The following SND1 variants were observed in gnomAD, a reference collection of about 807,000 sequenced individuals.
The protein encoded by SND1 is staphylococcal nuclease and tudor domain containing 1, also known as staphylococcal nuclease domain-containing protein 1.
SND1 carries 38 observed loss-of-function variants against 121.7 expected under a neutral mutation model. That is an observed-to-expected ratio of 0.31 (90% CI 0.24 to 0.41). The LOEUF (loss-of-function observed/expected upper bound fraction) is 0.41, where lower values mean the gene tolerates loss of function less well. Among genes scored for constraint, SND1 ranks in the 10% least tolerant of loss-of-function variants. The pLI is 1.00. For synonymous variants in SND1, 401 were observed against 447.4 expected, an observed-to-expected ratio of 0.90 and a Z score of 1.31; for missense variants, 868 against 1,184.6, an observed-to-expected ratio of 0.73 and a Z score of 3.92.
intron 15 of SND1, among the ~76,000 whole-genome samples, chr7:127,962,357 C>T (rs150072286): frequency 1.3e-5 from 2 of 152,098 alleles, no homozygotes; most frequent in Admixed American, 6.5e-5. Context: ...TTTGTATATA[C>T]GTATATATTT....
intron 14 of SND1, among the ~76,000 whole-genome samples, chr7:127,920,715 A>G (rs1046567511): frequency 6.6e-6 from 1 of 152,152 alleles, no homozygotes; most frequent in Non-Finnish European, 1.5e-5. Flanking sequence ...CACCCAAGTT[A>G]GAGAAAGAGG....
intron 16 of SND1, among the ~76,000 whole-genome samples, chr7:128,019,093 C>T (rs1803292274): frequency 6.6e-6 from 1 of 152,192 alleles, no homozygotes; most frequent in African/African-American, 2.4e-5. Context: ...CTGCCCCCCT[C>T]CCCACCTCAG....
intron 10 of SND1, among the ~76,000 whole-genome samples, chr7:127,801,792 A>G (rs1798133670): frequency 6.6e-6 from 1 of 152,154 alleles, no homozygotes; most frequent in African/African-American, 2.4e-5. Context: ...TGACCCTTGA[A>G]TAGTGTGGGG....
intron 14 of SND1, among the ~76,000 whole-genome samples, chr7:127,923,736 A>G (rs1800766774): frequency 6.6e-6 from 1 of 152,210 alleles, no homozygotes; most frequent in Non-Finnish European, 1.5e-5. Flanking sequence ...ATATAGCCAC[A>G]AAAGTAATTC....
chr7:127,956,459 T>C (rs904320880), intron 15 of SND1, among the ~76,000 whole-genome samples: 10 of 152,204 alleles, frequency 6.6e-5, no homozygotes, highest in Non-Finnish European at 1.3e-4. Flanking sequence ...TAACTCTCTT[T>C]AGCTCACTCC....
At chr7:127,851,278 T>C (rs1799161138) in intron 12 of SND1, among the ~76,000 whole-genome samples, 1 of 152,206 alleles carries the variant, frequency 6.6e-6, no homozygotes, top group African/African-American at 2.4e-5. Context: ...TTTACTGCAC[T>C]GATCCTTGGG....
At chr7:127,820,229 G>A (rs1798522043) in intron 11 of SND1, among the ~76,000 whole-genome samples, 1 of 152,164 alleles carries the variant, frequency 6.6e-6, no homozygotes, top group Non-Finnish European at 1.5e-5. Context: ...TCATTTGAGG[G>A]CTGGTGGTGG....
At chr7:127,722,135 G>A (rs1393049816) in intron 10 of SND1, among the ~76,000 whole-genome samples, 1 of 152,030 alleles carries the variant, frequency 6.6e-6, no homozygotes, top group Non-Finnish European at 1.5e-5. Flanking sequence ...TTTTACAGAC[G>A]TCTTTCCCGC....
At chr7:127,690,465 C>CAAA (rs1252799889) in intron 2 of SND1, among the ~76,000 whole-genome samples, 3 of 152,234 alleles carry the variant, frequency 2.0e-5, no homozygotes, top group African/African-American at 7.2e-5. Context: ...CACCTGCTGT[C>CAAA]TTTTAAGATT....
chr7:128,000,905 G>A (rs1486090625), intron 16 of SND1, among the ~76,000 whole-genome samples: 1 of 152,172 alleles, frequency 6.6e-6, no homozygotes, highest in Admixed American at 6.5e-5. Context: ...TACTAACGTT[G>A]TGGTGTTTCA....
intron 15 of SND1, among the ~76,000 whole-genome samples, chr7:127,930,698 T>G (rs1370519380): frequency 6.6e-6 from 1 of 152,222 alleles, no homozygotes; most frequent in East Asian, 1.9e-4. Flanking sequence ...GTGTGGCAGT[T>G]GTGTGAGAGA....
intron 10 of SND1, among the ~76,000 whole-genome samples, chr7:127,798,871 C>G (rs1204623146): frequency 1.3e-5 from 2 of 152,000 alleles, no homozygotes; most frequent in East Asian, 3.9e-4. Flanking sequence ...ATAACAAGAC[C>G]CTGTCTCTAC....
intron 14 of SND1, 101 bp from the exon 15 acceptor site, chr7:127,929,087 A>AT (rs1420323257): frequency 8.5e-7 from 1 of 1,175,686 alleles, no homozygotes; most frequent in Admixed American, 2.1e-5. Context: ...AAATAGGGTT[A>AT]TTTGCTTAGC....
At chr7:127,701,474 A>G in intron 5 of SND1, 151 bp downstream of exon 5, 1 of 749,178 alleles carries the variant, frequency 1.3e-6, no homozygotes, top group Non-Finnish European at 2.1e-6. Flanking sequence ...GCACCTTAGT[A>G]TTTCAGAAGG....
intron 15 of SND1, among the ~76,000 whole-genome samples, chr7:127,944,067 T>G (rs1801273907): frequency 6.6e-6 from 1 of 152,222 alleles, no homozygotes; most frequent in African/African-American, 2.4e-5. Flanking sequence ...AAACCTTGAA[T>G]TAAGTGGGTT....
intron 15 of SND1, among the ~76,000 whole-genome samples, chr7:127,943,905 G>A (rs1801270193): frequency 6.6e-6 from 1 of 152,206 alleles, no homozygotes; most frequent in Non-Finnish European, 1.5e-5. Flanking sequence ...ACCCGTTGGA[G>A]GGCTGATTGC....
chr7:128,057,336 A>G (rs1055587746), intron 16 of SND1, among the ~76,000 whole-genome samples: 3 of 152,194 alleles, frequency 2.0e-5, no homozygotes, highest in Non-Finnish European at 4.4e-5. Context: ...CCAGTGAGAG[A>G]TTCAAATGCA....
chr7:127,676,320 C>A (rs1429255419), intron 1 of SND1, among the ~76,000 whole-genome samples: 1 of 152,144 alleles, frequency 6.6e-6, no homozygotes, highest in Non-Finnish European at 1.5e-5. Context: ...TATTGAGTTA[C>A]CTTCTTGGTT....
At chr7:127,858,317 C>A in intron 12 of SND1, 1 of 1,118,314 alleles carries the variant, frequency 8.9e-7, no homozygotes, top group Non-Finnish European at 1.3e-6. Context: ...CCCCTTGCTG[C>A]TCCCTTTGCC....
Sources: allele counts gnomAD v4.1 joint callset (sites outside exome capture counted in the v4.1 genomes callset), GRCh38; gene constraint gnomAD v4.1.1; transcripts MANE v1.5; gene names NCBI Gene and HGNC (gene_info 2026-07-23, HGNC 2026-07-21).